The following KCNMA1 variants were observed in gnomAD, a reference collection of about 807,000 sequenced individuals.
KCNMA1 encodes Calcium-activated potassium channel subunit alpha-1.
Under a neutral mutation model 140.0 loss-of-function variants are expected in KCNMA1, and 29 were observed. The observed-to-expected ratio is 0.21, with a 90% CI of 0.15 to 0.28. The LOEUF is 0.28. Among genes scored for constraint, KCNMA1 ranks in the 10% least tolerant of loss-of-function variants. The pLI is 1.00. For synonymous variants in KCNMA1, 612 were observed against 611.9 expected (o/e 1.00, Z 0.00); for missense variants, 880 against 1,602.2 (o/e 0.55, Z 7.70).
chr10:76,973,316 G>A (rs1417776646), intron 19 of KCNMA1: 1 of 152,506 alleles, frequency 6.6e-6, no homozygotes, highest in Non-Finnish European at 1.5e-5. Flanking sequence ...AAATTCAAGG[G>A]CTTGTTTTTG....
chr10:77,260,740 A>G (rs1195730723), intron 2 of KCNMA1, among the ~76,000 whole-genome samples: 3 of 152,072 alleles, frequency 2.0e-5, no homozygotes, highest in Admixed American at 6.6e-5. Context: ...AAAACAAACA[A>G]AAACAGAAAC....
chr10:77,417,144 G>A (rs551865246), intron 1 of KCNMA1, among the ~76,000 whole-genome samples: 4 of 152,282 alleles, frequency 2.6e-5, no homozygotes, highest in Non-Finnish European at 4.4e-5. Flanking sequence ...TCCCAGAGGT[G>A]CAGTGAAGTT....
chr10:77,161,550 T>G (rs1051295658), intron 5 of KCNMA1, among the ~76,000 whole-genome samples: 1 of 152,176 alleles, frequency 6.6e-6, no homozygotes, highest in Non-Finnish European at 1.5e-5. Context: ...TGATGGAGTT[T>G]TAATAGTAGT....
At chr10:77,321,011 T>C (rs1277911350) in intron 2 of KCNMA1, among the ~76,000 whole-genome samples, 2 of 152,228 alleles carry the variant, frequency 1.3e-5, no homozygotes, top group Non-Finnish European at 2.9e-5. Context: ...CATCAAAATA[T>C]GTCTGACTTG....
intron 2 of KCNMA1, among the ~76,000 whole-genome samples, chr10:77,344,522 C>T (rs572727994): frequency 9.9e-5 from 15 of 152,068 alleles, no homozygotes; most frequent in East Asian, 1.9e-4. Flanking sequence ...TTTATTTAAC[C>T]GTACTTATTT....
chr10:77,303,153 T>G (rs553429291), intron 2 of KCNMA1, among the ~76,000 whole-genome samples: 1 of 152,308 alleles, frequency 6.6e-6, no homozygotes, highest in African/African-American at 2.4e-5. Context: ...CGATGGCATT[T>G]AGAAGAGTGG....
chr10:77,539,479 G>A (rs568096479), intron 1 of KCNMA1, among the ~76,000 whole-genome samples: 4 of 152,278 alleles, frequency 2.6e-5, no homozygotes, highest in Admixed American at 6.5e-5. Context: ...TTGAGCTTGG[G>A]GACCGAAACT....
chr10:77,337,408 G>T (rs933879342), intron 2 of KCNMA1, among the ~76,000 whole-genome samples: 2 of 152,154 alleles, frequency 1.3e-5, no homozygotes, highest in Non-Finnish European at 2.9e-5. Flanking sequence ...GTCATTTGAG[G>T]TCGAGTTCCA....
chr10:77,475,904 A>G (rs1266535332), intron 1 of KCNMA1, among the ~76,000 whole-genome samples: 1 of 152,210 alleles, frequency 6.6e-6, no homozygotes, highest in Non-Finnish European at 1.5e-5. Context: ...GGCTGGACTA[A>G]AACCAGAGTC....
At chr10:77,632,949 T>C (rs1429045481) in intron 1 of KCNMA1, among the ~76,000 whole-genome samples, 1 of 152,242 alleles carries the variant, frequency 6.6e-6, no homozygotes, top group Non-Finnish European at 1.5e-5. Context: ...GCCCTGCTAA[T>C]AAATGTGAGA....
intron 1 of KCNMA1, among the ~76,000 whole-genome samples, chr10:77,487,221 C>T (rs1412039769): frequency 6.6e-6 from 1 of 152,188 alleles, no homozygotes; most frequent in Non-Finnish European, 1.5e-5. Context: ...TAGGCATTCA[C>T]TTCTTTGATA....
chr10:77,175,664 G>C (rs1047870975), intron 5 of KCNMA1, among the ~76,000 whole-genome samples: 51 of 152,180 alleles, frequency 3.4e-4, no homozygotes, highest in African/African-American at 1.2e-3. Flanking sequence ...GGATGAGAAT[G>C]GGAAAGCTGC....
chr10:76,997,060 T>G (rs2084619417), intron 19 of KCNMA1, among the ~76,000 whole-genome samples: 1 of 152,204 alleles, frequency 6.6e-6, no homozygotes, highest in Non-Finnish European at 1.5e-5. Context: ...ATGCCATTAG[T>G]TCACTTAAGT....
At position 77,254,016 on chromosome 10, in the gene KCNMA1, T is replaced by A. The variant is rs542802291; in HGVS notation, c.541-2760A>T. On this transcript the variant is annotated intron_variant, in intron 2 of 27. Coordinates refer to ENST00000286628, the MANE Select transcript of KCNMA1 (RefSeq NM_001161352.2). ...CAAAGCCACCTTAGAAGTGTCAGTT[T>A]AGTCTCTCTCTTTCTCTATCTCTCT... is the stretch of plus-strand genomic sequence containing the variant. 3.3e-5 allele frequency among the ~76,000 whole-genome samples: 5 copies of A among 152,274 alleles called. No homozygotes were observed. The South Asian group carries it at 1.0e-3, about 32-fold the overall frequency.
intron 2 of KCNMA1, among the ~76,000 whole-genome samples, chr10:77,326,284 A>G (rs1351234663): frequency 1.3e-5 from 2 of 152,234 alleles, no homozygotes; most frequent in East Asian, 3.9e-4. Context: ...AAGTCTCACC[A>G]CCATGAAGCC....
chr10:77,602,865 G>A (rs556894528), intron 1 of KCNMA1, among the ~76,000 whole-genome samples: 3 of 152,328 alleles, frequency 2.0e-5, no homozygotes, highest in African/African-American at 7.2e-5. Flanking sequence ...GGACACCTCC[G>A]GGAATATGCA....
At chr10:76,905,820 A>G (rs2047608078) in intron 25 of KCNMA1, among the ~76,000 whole-genome samples, 1 of 152,236 alleles carries the variant, frequency 6.6e-6, no homozygotes, top group African/African-American at 2.4e-5. Flanking sequence ...TTTAAATAAC[A>G]TGAAGGCAAG....
chr10:77,007,643 T>G (rs1310930693), intron 18 of KCNMA1, among the ~76,000 whole-genome samples: 1 of 79,480 alleles, frequency 1.3e-5, no homozygotes, highest in Non-Finnish European at 2.5e-5. Context: ...ATGGTACATA[T>G]TGTGTGTGTG....
chr10:77,260,901 A>C (rs542663087), intron 2 of KCNMA1, among the ~76,000 whole-genome samples: 1 of 152,342 alleles, frequency 6.6e-6, no homozygotes, highest in South Asian at 2.1e-4. Flanking sequence ...AGATGTCATA[A>C]GAAAGTGAGA....
Sources: gnomAD v4.1 joint callset for allele counts (sites outside exome capture counted in the v4.1 genomes callset) on GRCh38, gnomAD v4.1.1 for gene constraint, MANE v1.5 for transcripts, NCBI Gene and HGNC (gene_info 2026-07-23, HGNC 2026-07-21) for gene names.